IL1RAPL2: variants seen among roughly 807,000 people sequenced by gnomAD.
The protein encoded by IL1RAPL2 is interleukin 1 receptor accessory protein like 2, also known as X-linked interleukin-1 receptor accessory protein-like 2.
In IL1RAPL2, 3 loss-of-function variants were observed where a neutral mutation model predicts 44.1. That is an observed-to-expected ratio of 0.07 (90% confidence interval 0.03 to 0.18). IL1RAPL2 has a LOEUF of 0.18. Among genes scored for constraint, IL1RAPL2 ranks in the 10% least tolerant of loss-of-function variants. The pLI is 1.00. For missense variants in IL1RAPL2, 391 were observed against 496.4 expected, an observed-to-expected ratio of 0.79 and a Z score of 2.02; for synonymous variants, 181 against 178.8, an observed-to-expected ratio of 1.01 and a Z score of -0.10.
intron 2 of IL1RAPL2, among the ~76,000 whole-genome samples, chrX:104,670,625 G>C (rs192855613): frequency 3.6e-5 from 4 of 110,677 alleles, no homozygotes; most frequent in Admixed American, 2.9e-4. Flanking sequence ...TTAGATTCGG[G>C]GGTATACACG....
chrX:104,895,519 C>T (rs1029793589), intron 2 of IL1RAPL2, among the ~76,000 whole-genome samples: 3 of 112,620 alleles, frequency 2.7e-5, no homozygotes, highest in Non-Finnish European at 3.8e-5. Context: ...TGCTGCCTTG[C>T]AGATCAATCT....
chrX:104,613,895 C>T (rs899858517), intron 1 of IL1RAPL2, among the ~76,000 whole-genome samples: 10 of 94,098 alleles, frequency 1.1e-4, no homozygotes, highest in Non-Finnish European at 2.0e-4. Context: ...TTCAGAGTTT[C>T]AATTTCTTCC....
intron 3 of IL1RAPL2, among the ~76,000 whole-genome samples, chrX:105,216,174 C>G (rs2033856412): frequency 9.0e-6 from 1 of 111,430 alleles, no homozygotes; most frequent in African/African-American, 3.3e-5. Flanking sequence ...CAAATTGTCT[C>G]TGTTTGCAGA....
At chrX:104,983,391 TATATAATATTAGATACATA>T (rs1451143705) in intron 2 of IL1RAPL2, among the ~76,000 whole-genome samples, 18 of 98,793 alleles carry the variant, frequency 1.8e-4, no homozygotes, top group Non-Finnish European at 2.2e-4. Context: ...ATATTAGATA[TATATAATATTAGATACATA>T]ATATAATATT....
At chrX:104,940,294 G>C (rs1464699767) in intron 2 of IL1RAPL2, among the ~76,000 whole-genome samples, 1 of 110,967 alleles carries the variant, frequency 9.0e-6, no homozygotes, top group Non-Finnish European at 1.9e-5. Context: ...CCTCAAAATT[G>C]GTACATCATA....
intron 2 of IL1RAPL2, among the ~76,000 whole-genome samples, chrX:104,864,089 G>A (rs1922556587): frequency 9.0e-6 from 1 of 111,697 alleles, no homozygotes; most frequent in East Asian, 2.8e-4. Flanking sequence ...TAATACAGAG[G>A]GCATGTGAGC....
At chrX:105,006,571 T>C (rs1011917448) in intron 2 of IL1RAPL2, among the ~76,000 whole-genome samples, 2 of 111,239 alleles carry the variant, frequency 1.8e-5, no homozygotes, top group African/African-American at 6.5e-5. Context: ...AAGATGCGAA[T>C]GACTAATCCT....
chrX:105,365,850 C>T (rs998312228), intron 5 of IL1RAPL2, among the ~76,000 whole-genome samples: 7 of 111,279 alleles, frequency 6.3e-5, no homozygotes, highest in African/African-American at 2.0e-4. Context: ...GATCTTGACT[C>T]ATTGCAGTCT....
At chrX:105,576,418 T>A (rs2147812495) in intron 6 of IL1RAPL2, among the ~76,000 whole-genome samples, 1 of 111,599 alleles carries the variant, frequency 9.0e-6, no homozygotes, top group East Asian at 2.8e-4. Flanking sequence ...TAGGGAGTCC[T>A]TTACCCATTG....
At position 104,802,156 on chromosome X, in the gene IL1RAPL2, C is replaced by A. The variant is rs189959918; in HGVS notation, c.82+143161C>A. ...GGTCAGGAGTTCGAGACCAGCCTGG[C>A]CAACTTGGTGAAACCCTGTCTCTAC... is the stretch of plus-strand genomic sequence containing the variant. On this transcript the variant is annotated intron_variant, in intron 2 of 10. Coordinates refer to ENST00000372582, the MANE Select transcript of IL1RAPL2 (RefSeq NM_017416.2). Among the ~76,000 whole-genome samples, 4 of 110,096 alleles carry A rather than the reference C, an allele frequency of 3.6e-5. No homozygotes were observed. The Admixed American group carries it at 3.9e-4, about 11-fold the overall frequency.
intron 3 of IL1RAPL2, among the ~76,000 whole-genome samples, chrX:105,197,147 T>G: frequency 9.0e-6 from 1 of 111,333 alleles, no homozygotes; most frequent in Middle Eastern, 4.7e-3. Flanking sequence ...AGGCAAGATC[T>G]TCAGGATCTT....
chrX:105,104,339 G>T (rs2032710070), intron 2 of IL1RAPL2, among the ~76,000 whole-genome samples: 1 of 111,840 alleles, frequency 8.9e-6, no homozygotes, highest in African/African-American at 3.3e-5. Flanking sequence ...TGGGGGTGGA[G>T]AGTTATTTTG....
At chrX:105,487,813 A>G (rs1489803897) in intron 6 of IL1RAPL2, among the ~76,000 whole-genome samples, 1 of 112,144 alleles carries the variant, frequency 8.9e-6, no homozygotes. Flanking sequence ...ATCATGAGGC[A>G]TTAGAAAACA....
chrX:105,727,763 T>TAATA (rs1326383886), intron 7 of IL1RAPL2, among the ~76,000 whole-genome samples: 2 of 111,984 alleles, frequency 1.8e-5, no homozygotes, highest in Non-Finnish European at 3.8e-5. Context: ...ATTTGTTTAT[T>TAATA]AATACTTCCC....
intron 2 of IL1RAPL2, among the ~76,000 whole-genome samples, chrX:104,891,258 C>A (rs1208265777): frequency 5.4e-5 from 6 of 111,682 alleles, no homozygotes; most frequent in African/African-American, 2.0e-4. Flanking sequence ...GTTCTTTTGG[C>A]TTGGGATTGT....
chrX:105,560,401 C>A (rs2036926758), intron 6 of IL1RAPL2, among the ~76,000 whole-genome samples: 1 of 111,483 alleles, frequency 9.0e-6, no homozygotes, highest in Non-Finnish European at 1.9e-5. Context: ...TATCTCTTTT[C>A]ATGTAGGGTT....
At chrX:105,458,337 C>T (rs1202666158) in intron 5 of IL1RAPL2, among the ~76,000 whole-genome samples, 4 of 111,137 alleles carry the variant, frequency 3.6e-5, no homozygotes, top group African/African-American at 1.3e-4. Context: ...CTTTTATTGC[C>T]TATTCTTTCA....
chrX:105,131,065 C>G (rs534328206), intron 2 of IL1RAPL2, among the ~76,000 whole-genome samples: 2 of 111,117 alleles, frequency 1.8e-5, no homozygotes, highest in African/African-American at 6.5e-5. Flanking sequence ...TAAATTTACA[C>G]AGGGGATTAG....
chrX:104,906,638 G>T (rs1406784310), intron 2 of IL1RAPL2, among the ~76,000 whole-genome samples: 1 of 111,871 alleles, frequency 8.9e-6, no homozygotes, highest in Non-Finnish European at 1.9e-5. Context: ...AACCAGCCTT[G>T]CATCCCAGGG....
Sources: gnomAD v4.1 joint callset for allele counts (sites outside exome capture counted in the v4.1 genomes callset) on GRCh38, gnomAD v4.1.1 for gene constraint, MANE v1.5 for transcripts, NCBI Gene and HGNC (gene_info 2026-07-23, HGNC 2026-07-21) for gene names.